GRIK2: variants seen among roughly 807,000 people sequenced by gnomAD.
GRIK2 encodes glutamate ionotropic receptor kainate type subunit 2, also known as glutamate receptor ionotropic, kainate 2.
In GRIK2, 32 loss-of-function variants were observed where a neutral mutation model predicts 100.3. The observed-to-expected ratio is 0.32, with a 90% CI of 0.24 to 0.43. GRIK2 has a LOEUF of 0.43. Ranked by LOEUF, GRIK2 falls within the 20% of genes least tolerant of loss-of-function variation. GRIK2 has a pLI of 1.00. For synonymous variants in GRIK2, 417 were observed against 389.4 expected, an observed-to-expected ratio of 1.07 and a Z score of -0.83; for missense variants, 843 against 1,114.9, an observed-to-expected ratio of 0.76 and a Z score of 3.47.
chr6:101,440,189 A>G (rs1769965432), intron 2 of GRIK2, among the ~76,000 whole-genome samples: 1 of 152,174 alleles, frequency 6.6e-6, no homozygotes, highest in Non-Finnish European at 1.5e-5. Flanking sequence ...AAAAGAATCT[A>G]CTAAAACAAT....
At chr6:102,057,282 A>C (rs1771510726) in intron 16 of GRIK2, among the ~76,000 whole-genome samples, 1 of 152,004 alleles carries the variant, frequency 6.6e-6, no homozygotes, top group Non-Finnish European at 1.5e-5. Flanking sequence ...TCTTGATGAT[A>C]TGTGGTATTC....
rs540270187 is a variant in GRIK2 at position 101,490,573 on chromosome 6, C to T, written c.115+91181C>T. Among the ~76,000 whole-genome samples, 5 of 146,664 alleles carry T rather than the reference C, an allele frequency of 3.4e-5. 1 individual carries two copies. In the South Asian group the frequency reaches 1.1e-3, roughly 32 times the overall value. On this transcript the variant is annotated intron_variant, in intron 2 of 16. Coordinates refer to ENST00000369134, the MANE Select transcript of GRIK2 (RefSeq NM_021956.5). The stretch of plus-strand genomic sequence containing the variant: ...TGTACAATAGATAAGTGAAGAAGTA[C>T]GTTGGGGGTGTTAATAGGAAAGTAT...
chr6:101,721,392 C>A (rs1465454855), intron 7 of GRIK2, among the ~76,000 whole-genome samples: 1 of 151,766 alleles, frequency 6.6e-6, no homozygotes, highest in Non-Finnish European at 1.5e-5. Flanking sequence ...CTGTTCTCTA[C>A]AAAAATAAAA....
At chr6:101,797,148 A>AT (rs1177403683) in intron 7 of GRIK2, among the ~76,000 whole-genome samples, 12 of 151,328 alleles carry the variant, frequency 7.9e-5, no homozygotes, top group African/African-American at 2.9e-4. Context: ...TCTTTTAGTT[A>AT]TTTTTTCCAT....
intron 11 of GRIK2, among the ~76,000 whole-genome samples, chr6:101,870,437 A>G (rs1371271436): frequency 1.3e-5 from 2 of 151,824 alleles, no homozygotes; most frequent in Admixed American, 1.3e-4. Flanking sequence ...TTTCCCAAGC[A>G]TTATATTTTA....
At chr6:101,480,276 G>A (rs1772459976) in intron 2 of GRIK2, among the ~76,000 whole-genome samples, 1 of 152,070 alleles carries the variant, frequency 6.6e-6, no homozygotes, top group African/African-American at 2.4e-5. Context: ...GATGATGGTA[G>A]GAGAGACAAG....
intron 4 of GRIK2, among the ~76,000 whole-genome samples, chr6:101,649,118 G>A (rs1781666986): frequency 6.6e-6 from 1 of 152,048 alleles, no homozygotes; most frequent in African/African-American, 2.4e-5. Context: ...ATCACTAAAT[G>A]TTCTGAGTAC....
At chr6:101,730,523 C>T (rs749266111) in intron 7 of GRIK2, among the ~76,000 whole-genome samples, 3 of 151,840 alleles carry the variant, frequency 2.0e-5, no homozygotes, top group African/African-American at 7.2e-5. Context: ...ACAGTGCTGG[C>T]AGGTATGCTA....
intron 2 of GRIK2, among the ~76,000 whole-genome samples, chr6:101,415,219 A>G (rs1018951167): frequency 1.3e-5 from 2 of 152,090 alleles, no homozygotes. Context: ...GAAAATATAT[A>G]GAAAATTATA....
At chr6:101,732,331 A>T (rs996460325) in intron 7 of GRIK2, among the ~76,000 whole-genome samples, 7 of 152,012 alleles carry the variant, frequency 4.6e-5, no homozygotes, top group Admixed American at 2.6e-4. Context: ...TGATATTTTT[A>T]AAAAATTAAT....
chr6:101,399,751 C>A (rs1427712138), intron 2 of GRIK2, among the ~76,000 whole-genome samples: 1 of 152,212 alleles, frequency 6.6e-6, no homozygotes, highest in Admixed American at 6.5e-5. Context: ...CGCAAAAGTG[C>A]GCGCCGGGGC....
rs1186255042 is a variant in GRIK2 at position 101,891,080 on chromosome 6, A to T, written c.1748+1217A>T. On this transcript the variant is annotated intron_variant, in intron 12 of 16. Coordinates refer to ENST00000369134, the MANE Select transcript of GRIK2 (RefSeq NM_021956.5). ...TTACATGGATTCTTTTGATAAATTT[A>T]TCAGTAAGGGTATTTGTAAATAATC... is the stretch of plus-strand genomic sequence containing the variant. 3.3e-5 allele frequency among the ~76,000 whole-genome samples: 5 copies of T among 151,646 alleles called. No individual in the cohort carries two copies. The South Asian group carries it at 1.0e-3, about 32-fold the overall frequency.
chr6:101,684,727 T>TC (rs1257023524), intron 6 of GRIK2, among the ~76,000 whole-genome samples: 1 of 151,868 alleles, frequency 6.6e-6, no homozygotes, highest in African/African-American at 2.4e-5. Context: ...GGATTTTTTT[T>TC]TTTTTTTTGC....
intron 2 of GRIK2, among the ~76,000 whole-genome samples, chr6:101,524,718 G>GTTT (rs11339091): frequency 1.5e-5 from 2 of 134,280 alleles, no homozygotes; most frequent in Non-Finnish European, 3.2e-5. Context: ...TTGCATGTTC[G>GTTT]TTTTTTTTTT....
intron 15 of GRIK2, 111 bp downstream of exon 15, chr6:102,035,677 G>A: frequency 1.6e-6 from 1 of 613,622 alleles, no homozygotes; most frequent in East Asian, 2.6e-5. Flanking sequence ...TTTACCAAAT[G>A]CATCCTGCTA....
At chr6:101,797,687 T>A (rs10872741) in intron 7 of GRIK2, among the ~76,000 whole-genome samples, 3 of 56,028 alleles carry the variant, frequency 5.4e-5, no homozygotes, top group Non-Finnish European at 5.5e-5. Flanking sequence ...CATTATATAT[T>A]TTTTTTATGT....
intron 2 of GRIK2, among the ~76,000 whole-genome samples, chr6:101,484,522 A>G (rs913860260): frequency 1.4e-5 from 2 of 145,060 alleles, no homozygotes; most frequent in Non-Finnish European, 3.0e-5. Flanking sequence ...TAACATTTAA[A>G]ATGTATATAT....
chr6:101,798,842 G>T (rs1204591439), intron 7 of GRIK2, among the ~76,000 whole-genome samples: 1 of 152,076 alleles, frequency 6.6e-6, no homozygotes, highest in Non-Finnish European at 1.5e-5. Context: ...CCTCTGTTTT[G>T]TTATGACTTA....
At chr6:101,981,169 T>G (rs1372108848) in intron 14 of GRIK2, among the ~76,000 whole-genome samples, 1 of 151,856 alleles carries the variant, frequency 6.6e-6, no homozygotes, top group East Asian at 1.9e-4. Context: ...ATCATCCCAC[T>G]CACTCCTTCT....
Sources: allele counts gnomAD v4.1 joint callset (sites outside exome capture counted in the v4.1 genomes callset), GRCh38; gene constraint gnomAD v4.1.1; transcripts MANE v1.5; gene names NCBI Gene and HGNC (gene_info 2026-07-23, HGNC 2026-07-21).